Variants in ADGRL2 observed in about 807,000 individuals in gnomAD.
ADGRL2 encodes the protein calcium-independent alpha-latrotoxin receptor 2.
In ADGRL2, 44 loss-of-function variants were observed where a neutral mutation model predicts 157.4. The observed-to-expected ratio is 0.28, with a 90% CI of 0.22 to 0.36. The LOEUF is 0.36. Among genes scored for constraint, ADGRL2 ranks in the 10% least tolerant of loss-of-function variants. The pLI is 1.00. For synonymous variants in ADGRL2, 585 were observed against 624.7 expected, an observed-to-expected ratio of 0.94 and a Z score of 0.95; for missense variants, 1,510 against 1,768.9, an observed-to-expected ratio of 0.85 and a Z score of 2.63.
At chr1:81,360,028 C>T (rs1177002663) in intron 1 of ADGRL2, among the ~76,000 whole-genome samples, 1 of 151,994 alleles carries the variant, frequency 6.6e-6, no homozygotes, top group Admixed American at 6.6e-5. Flanking sequence ...CGAATTGTGT[C>T]AGTCCTTAAC....
At chr1:81,537,969 G>T (rs2079785141) in intron 2 of ADGRL2, among the ~76,000 whole-genome samples, 2 of 152,188 alleles carry the variant, frequency 1.3e-5, no homozygotes, top group Admixed American at 6.5e-5. Flanking sequence ...CAAAGTGCTG[G>T]GATTACAGGT....
intron 2 of ADGRL2, among the ~76,000 whole-genome samples, chr1:81,498,890 A>T (rs192389149): frequency 9.5e-4 from 144 of 152,366 alleles, no homozygotes; most frequent in African/African-American, 3.1e-3. Flanking sequence ...GGTTAGGAAC[A>T]TACAATAAAA....
intron 1 of ADGRL2, among the ~76,000 whole-genome samples, chr1:81,754,674 T>TTTCCTTCCTTCCTCCCTCCCTTCCTCCC (rs1557623305): frequency 2.7e-4 from 38 of 139,832 alleles, no homozygotes; most frequent in Middle Eastern, 3.6e-3. Context: ...CCCTTCCTCC[T>TTTCCTTCCTTCCTCCCTCCCTTCCTCCC]TTCCTCCCTT....
chr1:81,837,708 A>G (rs954890519), intron 2 of ADGRL2, among the ~76,000 whole-genome samples: 37 of 151,996 alleles, frequency 2.4e-4, no homozygotes, highest in Non-Finnish European at 4.6e-4. Flanking sequence ...AAAGAAATAA[A>G]TATACTTTTG....
At chr1:81,422,951 C>T (rs1333425204) in intron 1 of ADGRL2, among the ~76,000 whole-genome samples, 1 of 152,196 alleles carries the variant, frequency 6.6e-6, no homozygotes, top group Admixed American at 6.5e-5. Flanking sequence ...CTGTTCCCTG[C>T]CCCTTTATGC....
rs180979396 is a variant in ADGRL2, at chr1:81,986,624, T to G, written c.3509-277T>G. On this transcript the variant is annotated intron_variant, in intron 21 of 23. Transcript: ENST00000686636. Reference sequence around the variant, plus strand: ...TTTAATTGCCATTTTTGTTTAACAGTGCTTTTGTATAAATTAGTAAATGTC... The same window carrying G: ...TTTAATTGCCATTTTTGTTTAACAGGGCTTTTGTATAAATTAGTAAATGTC... 2.0e-5 allele frequency among the ~76,000 whole-genome samples: 3 copies of G among 152,224 alleles called. No individual in the cohort carries two copies. The East Asian group carries it at 5.8e-4, about 29-fold the overall frequency.
intron 2 of ADGRL2, among the ~76,000 whole-genome samples, chr1:81,512,282 C>T (rs572522301): frequency 9.7e-4 from 147 of 151,676 alleles, no homozygotes; most frequent in Middle Eastern, 6.8e-3. Context: ...CTATGTGATG[C>T]AAATTGCTTT....
chr1:81,942,260 G>C (rs573436111), intron 5 of ADGRL2, among the ~76,000 whole-genome samples: 1 of 151,902 alleles, frequency 6.6e-6, no homozygotes, highest in South Asian at 2.1e-4. Flanking sequence ...AGGGGGATCT[G>C]CCCTTTCTCT....
At chr1:81,609,576 G>C (rs1374866496) in intron 3 of ADGRL2, among the ~76,000 whole-genome samples, 8 of 152,162 alleles carry the variant, frequency 5.3e-5, no homozygotes, top group Admixed American at 5.2e-4. Flanking sequence ...AAGCATGAGA[G>C]AGTTGATAAA....
intron 1 of ADGRL2, among the ~76,000 whole-genome samples, chr1:81,701,578 C>T (rs2149033582): frequency 6.6e-6 from 1 of 152,244 alleles, no homozygotes; most frequent in East Asian, 1.9e-4. Context: ...TCAGCTTCAA[C>T]CAAATTCCCA....
intron 2 of ADGRL2, among the ~76,000 whole-genome samples, chr1:81,880,318 C>G (rs1158840052): frequency 1.3e-5 from 2 of 152,060 alleles, no homozygotes; most frequent in African/African-American, 2.4e-5. Flanking sequence ...TATGAGACAG[C>G]CTTTTCTAAT....
At chr1:81,564,815 A>T (rs2148468712) in intron 2 of ADGRL2, among the ~76,000 whole-genome samples, 1 of 152,244 alleles carries the variant, frequency 6.6e-6, no homozygotes, top group South Asian at 2.1e-4. Flanking sequence ...GATATTGAGG[A>T]CTATGTTCAG....
chr1:81,956,115 G>T, intron 11 of ADGRL2, 55 bp downstream of exon 11: 1 of 1,302,566 alleles, frequency 7.7e-7, no homozygotes, highest in South Asian at 1.5e-5. Context: ...ATATGTAAGA[G>T]GATGATGTTT....
chr1:81,853,684 GA>G (rs1469197532), intron 2 of ADGRL2, among the ~76,000 whole-genome samples: 3 of 152,182 alleles, frequency 2.0e-5, no homozygotes, highest in African/African-American at 7.2e-5. Context: ...TATTAAAGAT[GA>G]TTTTTTTGTT....
At chr1:81,868,072 TG>T (rs1571794501) in intron 2 of ADGRL2, among the ~76,000 whole-genome samples, 1 of 151,194 alleles carries the variant, frequency 6.6e-6, no homozygotes, top group East Asian at 1.9e-4. Context: ...TGTGTGTGTG[TG>T]TGTGTGTGTG....
At chr1:81,888,964 TTGG>T (rs2094196712) in intron 2 of ADGRL2, among the ~76,000 whole-genome samples, 1 of 152,188 alleles carries the variant, frequency 6.6e-6, no homozygotes, top group Non-Finnish European at 1.5e-5. Context: ...ATTATTGTAA[TTGG>T]AGTGCCATGA....
intron 2 of ADGRL2, among the ~76,000 whole-genome samples, chr1:81,860,332 A>T (rs922570890): frequency 6.6e-6 from 1 of 152,098 alleles, no homozygotes; most frequent in African/African-American, 2.4e-5. Flanking sequence ...TTTTATTTTT[A>T]TTTTATTTAT....
chr1:81,737,500 C>G (rs772545304), intron 1 of ADGRL2, among the ~76,000 whole-genome samples: 6 of 152,146 alleles, frequency 3.9e-5, no homozygotes, highest in Non-Finnish European at 8.8e-5. Flanking sequence ...GGTCCCTCCC[C>G]CAACACTGGG....
intron 2 of ADGRL2, among the ~76,000 whole-genome samples, chr1:81,853,138 C>A (rs2093076378): frequency 6.6e-6 from 1 of 152,136 alleles, no homozygotes; most frequent in African/African-American, 2.4e-5. Flanking sequence ...TTCAAATTGA[C>A]AGGCAGACAG....
Sources: allele counts gnomAD v4.1 joint callset (sites outside exome capture counted in the v4.1 genomes callset), GRCh38; gene constraint gnomAD v4.1.1; transcripts MANE v1.5; gene names NCBI Gene and HGNC (gene_info 2026-07-23, HGNC 2026-07-21).